The following TBKBP1 variants were observed in gnomAD, a reference collection of about 807,000 sequenced individuals.
TBKBP1 encodes TBK1 binding protein 1.
A neutral mutation model predicts 69.9 loss-of-function variants in TBKBP1; 47 were observed. The ratio of observed to expected loss-of-function variants is 0.67; its 90% CI spans 0.53 to 0.86. TBKBP1 has a LOEUF of 0.86. Ranked by LOEUF, TBKBP1 falls within the 40% of genes least tolerant of loss-of-function variation. TBKBP1 has a pLI of 0.00. For synonymous variants in TBKBP1, 418 were observed against 390.3 expected, an observed-to-expected ratio of 1.07 and a Z score of -0.84; for missense variants, 831 against 858.6, an observed-to-expected ratio of 0.97 and a Z score of 0.40.
chr17:47,702,652 T>C lies in TBKBP1; in HGVS notation c.872+2955T>C, dbSNP rs918499968. On this transcript the variant is annotated intron_variant, in intron 7 of 9. Coordinates refer to ENST00000578982, the MANE Select transcript of TBKBP1 (RefSeq NM_001394755.1). Reference sequence around the variant, plus strand: ...ACACCCAGACCAGACCGAGGCAGACTACTACCCTCCAGGTCTGACCCCCTG... The same window carrying C: ...ACACCCAGACCAGACCGAGGCAGACCACTACCCTCCAGGTCTGACCCCCTG... 3.3e-5 allele frequency among the ~76,000 whole-genome samples: 5 copies of C among 152,046 alleles called. No homozygotes were observed. The East Asian group carries it at 9.7e-4, about 29-fold the overall frequency.
At chr17:47,703,823 T>C (rs2031606693) in intron 7 of TBKBP1, among the ~76,000 whole-genome samples, 1 of 152,040 alleles carries the variant, frequency 6.6e-6, no homozygotes, top group South Asian at 2.1e-4. Context: ...AAACGTGATG[T>C]AGGTATTGTC....
rs1418479412 is a variant in TBKBP1, at chr17:47,708,939, G to GCCGC, written c.1208_1211dup (p.Ser405AlafsTer61). 8.0e-7 allele frequency: 1 copy of GCCGC among 1,257,108 alleles called. No homozygotes were observed. Among genetic ancestry groups the GCCGC allele is most frequent in the African/African-American group, 1.6e-5 (1 of 60,792 alleles). The allele number at this position is 1,257,108 out of a possible 1,614,324, so 77.9% of individuals were successfully genotyped here. A position where few individuals can be genotyped will look rare whatever the true frequency, so the allele number is the denominator to read the frequency against. ...CCGTCCCGCAGCGCCGCTCGCCGGT[G>GCCGC]CCGCCGTCGTGCCAGTCCCCCAGCC... is the stretch of plus-strand genomic sequence containing the variant. On this transcript the variant is annotated frameshift_variant, in exon 9 of 10. Transcript: ENST00000578982. LOFTEE classifies it high-confidence loss of function. The surrounding 1 kb of genome is among the most constrained non-coding windows in gnomAD (Gnocchi z 4.4).
rs1434596050 is a variant in TBKBP1 at position 47,708,072 on chromosome 17, G to A, written c.873-322G>A. 6.6e-6 allele frequency among the ~76,000 whole-genome samples: 1 copy of A among 152,190 alleles called. No homozygotes were observed. Among genetic ancestry groups the A allele is most frequent in the African/African-American group, 2.4e-5 (1 of 41,436 alleles). On this transcript the variant is annotated intron_variant, in intron 7 of 9. Coordinates refer to ENST00000578982, the MANE Select transcript of TBKBP1 (RefSeq NM_001394755.1). This position sits in a 1 kb window ranked among gnomAD's most constrained non-coding sequence, Gnocchi z 4.4. Reference sequence around the variant, plus strand: ...ATTCACACATACCTGTATGAGCTGTGTTCAGACCACGGACAGTGCCTGATG... The same window carrying A: ...ATTCACACATACCTGTATGAGCTGTATTCAGACCACGGACAGTGCCTGATG...
intron 4 of TBKBP1, among the ~76,000 whole-genome samples, chr17:47,697,949 C>CAAAA (rs1170697190): frequency 8.1e-4 from 30 of 36,950 alleles, no homozygotes; most frequent in East Asian, 2.4e-3. Context: ...ACCCTGTCTC[C>CAAAA]AAAAAAAAAA....
At chr17:47,705,975 AC>A (rs1714654650) in intron 7 of TBKBP1, among the ~76,000 whole-genome samples, 2 of 151,990 alleles carry the variant, frequency 1.3e-5, no homozygotes, top group South Asian at 4.1e-4. Context: ...ATTTTCAGCC[AC>A]CCTGTCTGTT....
intron 7 of TBKBP1, among the ~76,000 whole-genome samples, chr17:47,702,014 G>A (rs192215559): frequency 1.7e-3 from 266 of 152,338 alleles, no homozygotes; most frequent in African/African-American, 5.7e-3. Context: ...CTTTCAGGCC[G>A]AGCGAGCATC....
rs145540687 is a variant in TBKBP1 at position 47,703,776 on chromosome 17, G to A, written c.872+4079G>A. Among the ~76,000 whole-genome samples the A allele has an allele frequency of 4.6e-5, 7 of 151,006 alleles. No individual in the cohort carries two copies. In the East Asian group the frequency reaches 5.8e-4, roughly 13 times the overall value. ...TTTTTGTCCATGCCAGACACTATGC[G>A]AGGTGATTTACCTACAAAATCTCAT... On this transcript the variant is annotated intron_variant, in intron 7 of 9. Coordinates refer to ENST00000578982, the MANE Select transcript of TBKBP1 (RefSeq NM_001394755.1).
At chr17:47,701,468 C>G (rs2031501950) in intron 7 of TBKBP1, among the ~76,000 whole-genome samples, 1 of 152,340 alleles carries the variant, frequency 6.6e-6, no homozygotes, top group South Asian at 2.1e-4. Context: ...ACCCAGTCCC[C>G]TCTTACCAGA....
intron 7 of TBKBP1, among the ~76,000 whole-genome samples, chr17:47,701,700 C>G (rs117626754): frequency 0.045 from 6,859 of 152,282 alleles, 224 homozygotes; most frequent in Middle Eastern, 0.16. Context: ...GGCAGGGCTC[C>G]CAGGGGCCAA....
At chr17:47,702,719 C>T (rs2031552099) in intron 7 of TBKBP1, among the ~76,000 whole-genome samples, 1 of 152,074 alleles carries the variant, frequency 6.6e-6, no homozygotes, top group African/African-American at 2.4e-5. Flanking sequence ...GGGGACAGAG[C>T]CCAGGGAGAC....
At position 47,697,160 on chromosome 17, in the gene TBKBP1, G is replaced by A; in HGVS notation, c.420G>A (p.Glu140=). ...MIQAYEKLCV[E]KSDLETELRE... is the part of the protein sequence containing the mutation. ...AGGCCTACGAGAAACTCTGCGTGGA[G>A]AAGAGTGACTTGGAGACAGAGCTGA... The change falls in exon 4 of 10, where the codon GAG becomes GAA. Residue 140 remains glutamate, a synonymous_variant. Coordinates refer to ENST00000578982, the MANE Select transcript of TBKBP1 (RefSeq NM_001394755.1). 1 of 1,613,238 alleles carries A rather than the reference G, an allele frequency of 6.2e-7. No homozygotes were observed. Among genetic ancestry groups the A allele is most frequent in the South Asian group, 1.1e-5 (1 of 90,858 alleles).
chr17:47,695,861 G>T, intron 1 of TBKBP1: 1 of 426,278 alleles, frequency 2.3e-6, no homozygotes, highest in Non-Finnish European at 4.2e-6. Flanking sequence ...CCCTGGCAGC[G>T]GGGTCTTCAC....
rs907250822 is a variant in TBKBP1 at position 47,696,609 on chromosome 17, G to T, written c.226-102G>T. The T allele has an allele frequency of 4.7e-5, 74 of 1,572,542 alleles. No individual in the cohort carries two copies. The East Asian group carries it at 1.2e-3, about 26-fold the overall frequency. On this transcript the variant is annotated intron_variant, in intron 2 of 9. Coordinates refer to ENST00000578982, the MANE Select transcript of TBKBP1 (RefSeq NM_001394755.1). ...ATCCCACTAGCCAAGGAGAAGGAGG[G>T]TCAAAGGTCTGAGGCAGGTTGTGGG...
Position 47,697,106 on chromosome 17 carries a change from G to A in TBKBP1, c.366G>A (p.Glu122=). 6.2e-7 allele frequency: 1 copy of A among 1,612,104 alleles called. No individual in the cohort carries two copies. The highest frequency in any genetic ancestry group is 8.5e-7 in the Non-Finnish European group (1 of 1,179,082). ...QFQHELQKNK[E]QEEQLGEMIQ... ...TCATCCAGTTACAGAAGAACAAGGA[G>A]CAGGAAGAACAGCTTGGAGAGATGA... Residue 122 remains glutamate, a synonymous_variant, in exon 4 of 10, where the codon GAG becomes GAA. Coordinates refer to ENST00000578982, the MANE Select transcript of TBKBP1 (RefSeq NM_001394755.1).
In TBKBP1 at chr17:47,696,120, C is replaced by T. The variant is rs778970477; in HGVS notation, c.8C>T (p.Ser3Phe). 3.1e-6 allele frequency: 5 copies of T among 1,610,742 alleles called. No homozygotes were observed. The highest frequency in any genetic ancestry group is 4.2e-6 in the Non-Finnish European group (5 of 1,178,976). Residue 3 changes from serine (S) to phenylalanine (F), a missense_variant, in exon 2 of 10, where the codon TCC becomes TTC. By Grantham distance (155) the Ser-to-Phe change is radical. Transcript: ENST00000578982. The part of the protein sequence containing the change: ME[S>F]MFEDDISILT... ...CGCGGCCCGGCCCTCACCATGGAGT[C>T]CATGTTCGAGGACGACATCAGCATC...
rs1409957749 is a variant in TBKBP1, at chr17:47,710,674, C to G, written c.*48C>G. The G allele has an allele frequency of 6.4e-7, 1 of 1,571,790 alleles. No individual in the cohort carries two copies. The highest frequency in any genetic ancestry group is 8.7e-7 in the Non-Finnish European group (1 of 1,149,276). ...TGTTTCTCCGTCCTCTCCTATCACC[C>G]CCAAACACTCACTTTGAATGCTGCA... On this transcript the variant is annotated 3_prime_UTR_variant, in exon 10 of 10. Transcript: ENST00000578982.
At chr17:47,709,896 A>G (rs2031861850) in intron 9 of TBKBP1, among the ~76,000 whole-genome samples, 1 of 152,274 alleles carries the variant, frequency 6.6e-6, no homozygotes, top group Admixed American at 6.5e-5. Flanking sequence ...GCCTGGCTCA[A>G]GCACCTGCTA....
At position 47,697,160 on chromosome 17, in the gene TBKBP1, G is replaced by C; in HGVS notation, c.420G>C (p.Glu140Asp). 1 of 1,613,238 alleles carries C rather than the reference G, an allele frequency of 6.2e-7. No individual in the cohort carries two copies. Among genetic ancestry groups the C allele is most frequent in the Non-Finnish European group, 8.5e-7 (1 of 1,179,542 alleles). ...MIQAYEKLCV[E>D]KSDLETELRE... Reference sequence around the variant, plus strand: ...AGGCCTACGAGAAACTCTGCGTGGAGAAGAGTGACTTGGAGACAGAGCTGA... The same window carrying C: ...AGGCCTACGAGAAACTCTGCGTGGACAAGAGTGACTTGGAGACAGAGCTGA... Residue 140 changes from glutamate (E) to aspartate (D), a missense_variant, in exon 4 of 10, where the codon GAG becomes GAC. Coordinates refer to ENST00000578982, the MANE Select transcript of TBKBP1 (RefSeq NM_001394755.1).
intron 9 of TBKBP1, 29 bp downstream of exon 9, chr17:47,709,481 C>A: frequency 6.8e-7 from 1 of 1,478,782 alleles, no homozygotes; most frequent in Non-Finnish European, 8.9e-7. Context: ...TTCCGCCCAC[C>A]CCGGACCGGG....
Sources: allele counts gnomAD v4.1 joint callset (sites outside exome capture counted in the v4.1 genomes callset), GRCh38; gene constraint gnomAD v4.1.1; non-coding constraint Gnocchi (gnomAD v3.1); transcripts MANE v1.5; gene names NCBI Gene and HGNC (gene_info 2026-07-23, HGNC 2026-07-21).